The following TDRD5 variants were observed in gnomAD, a reference collection of about 807,000 sequenced individuals.
TDRD5 encodes the protein tudor domain-containing protein 5.
In TDRD5, 41 loss-of-function variants were observed where a neutral mutation model predicts 120.6. The observed-to-expected ratio is 0.34, with a 90% CI of 0.26 to 0.44. The LOEUF is 0.44. Among genes scored for constraint, TDRD5 ranks in the 20% least tolerant of loss-of-function variants. TDRD5 has a pLI of 1.00. For synonymous variants in TDRD5, 430 were observed against 433.7 expected, an observed-to-expected ratio of 0.99 and a Z score of 0.11; for missense variants, 1,006 against 1,221.2, an observed-to-expected ratio of 0.82 and a Z score of 2.63.
Position 179,592,860 on chromosome 1 carries a change from T to C in TDRD5, c.232+13T>C. On this transcript the variant is annotated intron_variant, in intron 2 of 17. Coordinates refer to ENST00000444136, the MANE Select transcript of TDRD5 (RefSeq NM_001199085.3). ...GTAATACTGAAAGGTAGGTTTAAGA[T>C]TTTTGAAGGTCTATAAACTTTGTAA... 1 of 1,610,932 alleles carries C rather than the reference T, an allele frequency of 6.2e-7. No individual in the cohort carries two copies. Among genetic ancestry groups the C allele is most frequent in the Non-Finnish European group, 8.5e-7 (1 of 1,177,164 alleles).
At chr1:179,673,150 G>C (rs1014803145) in intron 17 of TDRD5, among the ~76,000 whole-genome samples, 1 of 152,096 alleles carries the variant, frequency 6.6e-6, no homozygotes, top group Non-Finnish European at 1.5e-5. Flanking sequence ...GTAGTATTTT[G>C]ATGGGAATTG....
At chr1:179,690,035 A>G (rs969180273) in intron 17 of TDRD5, among the ~76,000 whole-genome samples, 17 of 152,122 alleles carry the variant, frequency 1.1e-4, no homozygotes, top group African/African-American at 3.9e-4. Flanking sequence ...GCTTCGGCTC[A>G]TGCTCTGTGG....
chr1:179,642,061 G>A (rs145563643), intron 11 of TDRD5, among the ~76,000 whole-genome samples: 63 of 149,692 alleles, frequency 4.2e-4, no homozygotes, highest in African/African-American at 1.4e-3. Flanking sequence ...TCCATTTTTT[G>A]TTCTCTTCTT....
intron 4 of TDRD5, among the ~76,000 whole-genome samples, chr1:179,609,384 CTTGACTGTGTT>C (rs1439698059): frequency 1.3e-5 from 2 of 152,114 alleles, no homozygotes; most frequent in Non-Finnish European, 2.9e-5. Flanking sequence ...GAAACAAAGT[CTTGACTGTGTT>C]TTGACTGTGA....
At chr1:179,611,243 G>T (rs2101945399) in intron 4 of TDRD5, among the ~76,000 whole-genome samples, 1 of 151,944 alleles carries the variant, frequency 6.6e-6, no homozygotes, top group East Asian at 1.9e-4. Context: ...GTAGAGATGG[G>T]GTTTCATCAT....
At chr1:179,680,227 A>G (rs946159164) in intron 17 of TDRD5, among the ~76,000 whole-genome samples, 6 of 152,152 alleles carry the variant, frequency 3.9e-5, no homozygotes, top group African/African-American at 1.4e-4. Context: ...AGTATGCTCT[A>G]TTTTTGTAAA....
intron 14 of TDRD5, among the ~76,000 whole-genome samples, chr1:179,661,011 C>T (rs1679285339): frequency 6.6e-6 from 1 of 152,158 alleles, no homozygotes; most frequent in Admixed American, 6.5e-5. Context: ...CTTCTCCTTT[C>T]TGCCCTTCAT....
chr1:179,689,846 C>G (rs1681021249), intron 17 of TDRD5, among the ~76,000 whole-genome samples: 1 of 152,196 alleles, frequency 6.6e-6, no homozygotes, highest in Non-Finnish European at 1.5e-5. Context: ...GTGGGACCCT[C>G]CAAGCCAGGC....
At position 179,618,625 on chromosome 1, in the gene TDRD5, T is replaced by C. The variant is rs1298731912; in HGVS notation, c.858T>C (p.Ile286=). 6.3e-7 allele frequency: 1 copy of C among 1,597,410 alleles called. No homozygotes were observed. Among genetic ancestry groups the C allele is most frequent in the Non-Finnish European group, 8.5e-7 (1 of 1,173,600 alleles). ...NQLENTFKSV[I]AQIGPGGTIS... Reference sequence around the variant, plus strand: ...TGGAGAACACATTCAAATCAGTTATTGCACAGATTGGACCTGGAGGAACTA... The same window carrying C: ...TGGAGAACACATTCAAATCAGTTATCGCACAGATTGGACCTGGAGGAACTA... Residue 286 remains isoleucine (I), a synonymous_variant, in exon 5 of 18, where the codon ATT becomes ATC. Transcript: ENST00000444136.
At chr1:179,649,565 T>C (rs1402811862) in intron 11 of TDRD5, among the ~76,000 whole-genome samples, 1 of 151,520 alleles carries the variant, frequency 6.6e-6, no homozygotes, top group Admixed American at 6.6e-5. Context: ...GTTTTTACCT[T>C]CTAAAACTTC....
intron 9 of TDRD5, among the ~76,000 whole-genome samples, chr1:179,638,615 A>G (rs1450446435): frequency 1.6e-5 from 2 of 127,670 alleles, no homozygotes; most frequent in Non-Finnish European, 3.5e-5. Flanking sequence ...GGACACAGTT[A>G]TAGAATCTTG....
chr1:179,595,488 A>C (rs1558366225), intron 3 of TDRD5, 140 bp from the exon 4 acceptor site: 1 of 668,040 alleles, frequency 1.5e-6, no homozygotes, highest in Non-Finnish European at 2.4e-6. Flanking sequence ...CTTGATGTAA[A>C]AATGTCAGCT....
intron 11 of TDRD5, among the ~76,000 whole-genome samples, chr1:179,644,562 A>T (rs10913845): frequency 0.34 from 51,223 of 151,948 alleles, 8,873 homozygotes; most frequent in Admixed American, 0.42. Flanking sequence ...CAAAAAATTA[A>T]AATGTAGTAT....
At chr1:179,618,827 A>G in intron 5 of TDRD5, 145 bp downstream of exon 5, 1 of 554,308 alleles carries the variant, frequency 1.8e-6, no homozygotes, top group East Asian at 3.7e-5. Context: ...AGACTAAGAA[A>G]AAGAAACAAA....
chr1:179,613,919 G>A (rs1038536825), intron 4 of TDRD5, among the ~76,000 whole-genome samples: 12 of 152,172 alleles, frequency 7.9e-5, no homozygotes, highest in Non-Finnish European at 1.8e-4. Flanking sequence ...TGTGATCTTT[G>A]TAAGAAATGT....
intron 4 of TDRD5, among the ~76,000 whole-genome samples, chr1:179,605,163 G>A (rs1675906900): frequency 6.6e-6 from 1 of 152,144 alleles, no homozygotes. Flanking sequence ...TTGCTTTAAA[G>A]TTTGTTTTGT....
chr1:179,593,329 AGTTACT>A lies in TDRD5; in HGVS notation c.233-127_233-122del. 3 of 1,004,294 alleles carry A rather than the reference AGTTACT, an allele frequency of 3.0e-6. No homozygotes were observed. In the South Asian group the frequency reaches 5.5e-5, roughly 19 times the overall value. The allele number at this position is 1,004,294 out of a possible 1,614,324, so 62.2% of individuals were successfully genotyped here. A position where few individuals can be genotyped will look rare whatever the true frequency, so the allele number is the denominator to read the frequency against. On this transcript the variant is annotated intron_variant, in intron 2 of 17. Coordinates refer to ENST00000444136, the MANE Select transcript of TDRD5 (RefSeq NM_001199085.3). Reference sequence around the variant, plus strand: ...AAATGCAAGAAATCGAGGAACCAAGAGTTACTGTTTATCGTGCTGCCTGGATAAACA... The same window carrying A: ...AAATGCAAGAAATCGAGGAACCAAGAGTTTATCGTGCTGCCTGGATAAACA...
intron 7 of TDRD5, among the ~76,000 whole-genome samples, chr1:179,633,329 C>T (rs544232473): frequency 6.6e-6 from 1 of 152,056 alleles, no homozygotes; most frequent in East Asian, 1.9e-4. Flanking sequence ...TTTTTAGGAG[C>T]CACCATGCTT....
intron 2 of TDRD5, 95 bp from the exon 3 acceptor site, chr1:179,593,365 C>T: frequency 7.4e-7 from 1 of 1,359,322 alleles, no homozygotes; most frequent in South Asian, 1.5e-5. Flanking sequence ...TAAACAGCTC[C>T]TTGGAGAGTT....
Sources: gnomAD v4.1 joint callset for allele counts (sites outside exome capture counted in the v4.1 genomes callset) on GRCh38, gnomAD v4.1.1 for gene constraint, MANE v1.5 for transcripts, NCBI Gene and HGNC (gene_info 2026-07-23, HGNC 2026-07-21) for gene names.